Variants in SAE1 observed in about 807,000 individuals in gnomAD.
SAE1 encodes the protein SUMO1 activating enzyme subunit 1, also known as SUMO-activating enzyme subunit 1.
Under a neutral mutation model 40.6 loss-of-function variants are expected in SAE1, and 11 were observed. The ratio of observed to expected loss-of-function variants is 0.27; its 90% confidence interval spans 0.17 to 0.45. The LOEUF (loss-of-function observed/expected upper bound fraction) is 0.45, where lower values mean the gene tolerates loss of function less well. SAE1 is among the 20% of genes least tolerant of loss of function. The probability of loss-of-function intolerance (pLI) is 1.00; values close to 1 mark genes in which losing one functional copy is unlikely to be tolerated. For missense variants in SAE1, 373 were observed against 427.3 expected (o/e 0.87, Z 1.12); for synonymous variants, 155 against 154.3 (o/e 1.00, Z -0.03).
At chr19:47,151,511 G>A (rs761976660) in intron 3 of SAE1, among the ~76,000 whole-genome samples, 36 of 151,360 alleles carry the variant, frequency 2.4e-4, no homozygotes, top group Non-Finnish European at 4.6e-4. Context: ...TCACTCTGTC[G>A]CCCAGGCTGG....
rs2123193300 is a variant in SAE1 at position 47,143,495 on chromosome 19, C to A, written c.100C>A (p.Leu34Met). The change falls in exon 2 of 9, where the codon CTG (leucine) becomes ATG (methionine). Residue 34 changes from leucine to methionine, a missense_variant and splice_region_variant. Around this residue, in one of 3 missense-constraint regions of SAE1, gnomAD observed 351 missense variants for 390.6 expected, o/e 0.90. Coordinates refer to ENST00000270225, the MANE Select transcript of SAE1 (RefSeq NM_005500.3). The part of the protein sequence containing the change: ...RLWGLEAQKR[L>M]RASRVLLVGL... ...AGGTTAACAATGTTTGTCTTACAGG[C>A]TGCGGGCCTCTCGGGTGCTTCTTGT... 6.2e-7 allele frequency: 1 copy of A among 1,612,334 alleles called. No individual in the cohort carries two copies. Among genetic ancestry groups the A allele is most frequent in the Non-Finnish European group, 8.5e-7 (1 of 1,178,442 alleles).
intron 8 of SAE1, 152 bp from the exon 9 acceptor site, chr19:47,209,007 C>G: frequency 3.1e-6 from 2 of 637,680 alleles, no homozygotes; most frequent in Non-Finnish European, 5.5e-6. Context: ...ATAGGACAAT[C>G]AAAATTGTCT....
At chr19:47,168,842 G>A (rs949490097) in intron 5 of SAE1, among the ~76,000 whole-genome samples, 3 of 152,010 alleles carry the variant, frequency 2.0e-5, no homozygotes, top group Non-Finnish European at 2.9e-5. Context: ...GACCTCAGGC[G>A]ATCCACCCGC....
rs548822543 is a variant in SAE1, at chr19:47,178,133, C to T, written c.733+8210C>T. On this transcript the variant is annotated intron_variant, in intron 6 of 8. Coordinates refer to ENST00000270225, the MANE Select transcript of SAE1 (RefSeq NM_005500.3). ...GTGTGCGCCTGTAGTCCCAGCTACT[C>T]GGGAGGGGGAGGCAGGAGAATCGCT... is the stretch of plus-strand genomic sequence containing the variant. Among the ~76,000 whole-genome samples, 6 of 151,810 alleles carry T rather than the reference C, an allele frequency of 4.0e-5. No homozygotes were observed. The South Asian group carries it at 8.3e-4, about 21-fold the overall frequency.
At chr19:47,156,440 C>T (rs114133304) in intron 5 of SAE1, among the ~76,000 whole-genome samples, 2,414 of 151,864 alleles carry the variant, frequency 0.016, 66 homozygotes, top group African/African-American at 0.056. Context: ...GACGGCAACA[C>T]TGCACTCCAG....
intron 6 of SAE1, among the ~76,000 whole-genome samples, chr19:47,191,704 G>A (rs574517054): frequency 2.6e-5 from 4 of 152,240 alleles, no homozygotes; most frequent in Non-Finnish European, 5.9e-5. Flanking sequence ...ACAAGAGGAG[G>A]TGATTTTTTT....
At chr19:47,179,926 G>A (rs140623969) in intron 6 of SAE1, among the ~76,000 whole-genome samples, 2 of 152,136 alleles carry the variant, frequency 1.3e-5, no homozygotes, top group Non-Finnish European at 2.9e-5. Context: ...CTAAGATTGA[G>A]CAGATAGGTA....
chr19:47,203,600 G>C, intron 7 of SAE1, 71 bp from the exon 8 acceptor site: 1 of 1,419,022 alleles, frequency 7.0e-7, no homozygotes, highest in Non-Finnish European at 9.9e-7. Context: ...GCCTACTACT[G>C]AATTTCTCCA....
At chr19:47,185,167 G>A (rs867317565) in intron 6 of SAE1, among the ~76,000 whole-genome samples, 76 of 152,072 alleles carry the variant, frequency 5.0e-4, no homozygotes, top group African/African-American at 1.7e-3. Flanking sequence ...CAAAAAACAT[G>A]TGTCTAAAAT....
intron 8 of SAE1, among the ~76,000 whole-genome samples, chr19:47,204,718 G>A (rs1224304813): frequency 1.3e-5 from 2 of 151,572 alleles, no homozygotes; most frequent in Non-Finnish European, 2.9e-5. Context: ...GGCTGGTCTC[G>A]AACTCCTGAC....
chr19:47,148,311 G>A (rs1303562024), intron 2 of SAE1, among the ~76,000 whole-genome samples: 1 of 152,030 alleles, frequency 6.6e-6, no homozygotes, highest in African/African-American at 2.4e-5. Context: ...CATTTTCTTG[G>A]AGGAGAAGGT....
intron 6 of SAE1, among the ~76,000 whole-genome samples, chr19:47,190,666 A>C (rs1386578393): frequency 6.6e-6 from 1 of 152,196 alleles, no homozygotes; most frequent in Admixed American, 6.5e-5. Flanking sequence ...GCCAAACTGC[A>C]CCAGGAACAG....
intron 3 of SAE1, among the ~76,000 whole-genome samples, chr19:47,151,375 C>T (rs1431053352): frequency 1.3e-5 from 2 of 151,828 alleles, no homozygotes; most frequent in Admixed American, 1.3e-4. Flanking sequence ...GGTCTTGAAC[C>T]CCTGACCTCA....
chr19:47,170,042 A>G, intron 6 of SAE1, 119 bp downstream of exon 6: 1 of 721,372 alleles, frequency 1.4e-6, no homozygotes, highest in South Asian at 1.6e-5. Flanking sequence ...TTCATTGGCT[A>G]GTTCTCAGTG....
intron 6 of SAE1, among the ~76,000 whole-genome samples, chr19:47,184,797 GT>G (rs745379971): frequency 7.0e-6 from 1 of 142,706 alleles, no homozygotes; most frequent in South Asian, 2.3e-4. Context: ...TTTTTGTTTT[GT>G]TTTTGTTTTG....
At chr19:47,139,510 C>T (rs907857999) in intron 1 of SAE1, among the ~76,000 whole-genome samples, 1 of 151,448 alleles carries the variant, frequency 6.6e-6, no homozygotes, top group Admixed American at 6.6e-5. Flanking sequence ...CGGAGAGAAA[C>T]GATGGTGGCT....
chr19:47,200,638 C>CT (rs1273756152), intron 7 of SAE1, among the ~76,000 whole-genome samples: 2 of 152,108 alleles, frequency 1.3e-5, no homozygotes, highest in African/African-American at 4.8e-5. Context: ...CTTTCCAAAA[C>CT]TTCTGGGATA....
In SAE1 at chr19:47,171,317, G is replaced by T. The variant is rs1048548018; in HGVS notation, c.733+1394G>T. Among the ~76,000 whole-genome samples the T allele has an allele frequency of 6.1e-5, 9 of 148,214 alleles. 1 individual carries two copies. The Admixed American group carries it at 6.1e-4, about 10-fold the overall frequency. On this transcript the variant is annotated intron_variant, in intron 6 of 8. Transcript: ENST00000270225. ...TTATTTTAATTTTTTTTTTGGAGACGGAGTCTAGCTCTGTCGCCCAGGCTG... is the reference window on the plus strand; with the variant it reads ...TTATTTTAATTTTTTTTTTGGAGACTGAGTCTAGCTCTGTCGCCCAGGCTG...
chr19:47,168,691 C>A (rs551730046), intron 5 of SAE1, among the ~76,000 whole-genome samples: 1 of 152,128 alleles, frequency 6.6e-6, no homozygotes, highest in African/African-American at 2.4e-5. Flanking sequence ...CAACCTCCCC[C>A]CTCCTAGGTT....
Sources: allele counts gnomAD v4.1 joint callset (sites outside exome capture counted in the v4.1 genomes callset), GRCh38; gene constraint gnomAD v4.1.1; regional missense constraint gnomAD v4.1.1; transcripts MANE v1.5; gene names NCBI Gene and HGNC (gene_info 2026-07-23, HGNC 2026-07-21).